Variants in AGMO observed in about 807,000 individuals in gnomAD.
The protein encoded by AGMO is alkylglycerol monooxygenase.
A neutral mutation model predicts 60.2 loss-of-function variants in AGMO; 75 were observed. That is an observed-to-expected ratio of 1.25 (90% CI 1.03 to 1.51). AGMO has a LOEUF of 1.51. AGMO is among the 40% of genes most tolerant of loss of function. The pLI is 0.00. For synonymous variants in AGMO, 261 were observed against 177.1 expected (o/e 1.47, Z -3.76); for missense variants, 763 against 525.5 (o/e 1.45, Z -4.42).
chr7:15,383,504 A>C (rs1181938149), intron 10 of AGMO, among the ~76,000 whole-genome samples: 1 of 152,134 alleles, frequency 6.6e-6, no homozygotes. Context: ...CTTTCCTTAT[A>C]ATTAACTATA....
At chr7:15,296,055 A>T (rs1784396537) in intron 12 of AGMO, among the ~76,000 whole-genome samples, 1 of 152,192 alleles carries the variant, frequency 6.6e-6, no homozygotes, top group Non-Finnish European at 1.5e-5. Context: ...TTACAAGCAA[A>T]ACAAAAATAT....
At chr7:15,485,061 G>C (rs1463276794) in intron 3 of AGMO, among the ~76,000 whole-genome samples, 1 of 150,624 alleles carries the variant, frequency 6.6e-6, no homozygotes, top group Non-Finnish European at 1.5e-5. Context: ...ACTTTGGGAG[G>C]CCGAAGCGGG....
chr7:15,154,870 A>T, the AGMO span, among the ~76,000 whole-genome samples: 1 of 152,182 alleles, frequency 6.6e-6, no homozygotes, highest in Non-Finnish European at 1.5e-5. Flanking sequence ...TAGGTTGGCC[A>T]GATATGAAAT....
intron 3 of AGMO, among the ~76,000 whole-genome samples, chr7:15,481,306 A>C (rs1181230501): frequency 6.6e-6 from 1 of 152,186 alleles, no homozygotes; most frequent in Admixed American, 6.6e-5. Context: ...TCAGTAGGAA[A>C]GGACTCTGAG....
the AGMO span, among the ~76,000 whole-genome samples, chr7:15,134,573 A>G: frequency 2.0e-5 from 3 of 152,064 alleles, no homozygotes; most frequent in African/African-American, 7.2e-5. Context: ...CTCTTCCTTA[A>G]TTAGTTGGCT....
intron 3 of AGMO, among the ~76,000 whole-genome samples, chr7:15,497,876 A>T (rs1783275619): frequency 6.6e-6 from 1 of 152,022 alleles, no homozygotes; most frequent in African/African-American, 2.4e-5. Flanking sequence ...TTACTGGGTT[A>T]TTTTGAAAAC....
the AGMO span, among the ~76,000 whole-genome samples, chr7:15,189,810 T>C: frequency 3.8e-4 from 57 of 151,424 alleles, no homozygotes; most frequent in Admixed American, 3.0e-3. Context: ...GCTGATAGTT[T>C]ACAGTTTTCA....
Position 15,561,661 on chromosome 7 carries a change from C to T in AGMO, c.126+59G>A, listed in dbSNP as rs951250534. ...TGAACAAAACCCTAAGGAGATTGAC[C>T]TTACCATTTATTAAGAAAGCAGCAA... On this transcript the variant is annotated intron_variant, in intron 1 of 12. Coordinates refer to ENST00000342526, the MANE Select transcript of AGMO (RefSeq NM_001004320.2). 1.6e-5 allele frequency: 24 copies of T among 1,478,572 alleles called. No individual in the cohort carries two copies. In the African/African-American group the frequency reaches 2.6e-4, roughly 16 times the overall value. 91.6% of individuals were successfully genotyped at this position (1,478,572 alleles called of 1,614,324 possible). A position where few individuals can be genotyped will look rare whatever the true frequency, so the allele number is the denominator to read the frequency against.
intron 3 of AGMO, among the ~76,000 whole-genome samples, chr7:15,438,912 A>G (rs948558398): frequency 5.3e-5 from 8 of 152,250 alleles, no homozygotes; most frequent in Non-Finnish European, 1.0e-4. Flanking sequence ...AATAACCACA[A>G]ATATAGAGTG....
intron 5 of AGMO, among the ~76,000 whole-genome samples, chr7:15,408,163 T>C (rs1486023189): frequency 3.3e-5 from 5 of 151,992 alleles, no homozygotes; most frequent in Non-Finnish European, 7.4e-5. Context: ...CAGGGCAGTT[T>C]AGCTGTACTG....
chr7:15,126,373 A>G, the AGMO span, among the ~76,000 whole-genome samples: 1 of 152,112 alleles, frequency 6.6e-6, no homozygotes, highest in Non-Finnish European at 1.5e-5. Flanking sequence ...ATCATAGAGC[A>G]TGATTATTGG....
At chr7:15,377,778 T>TA (rs1426309598) in intron 10 of AGMO, among the ~76,000 whole-genome samples, 1 of 152,042 alleles carries the variant, frequency 6.6e-6, no homozygotes, top group African/African-American at 2.4e-5. Flanking sequence ...GGGGAGAACA[T>TA]ATTAAGTTAA....
chr7:15,176,804 A>C, the AGMO span, among the ~76,000 whole-genome samples: 78,564 of 151,650 alleles, frequency 0.52, 21,831 homozygotes, highest in East Asian at 0.79. Flanking sequence ...AATATTTGTA[A>C]CATTTGAGAG....
chr7:15,143,881 G>C, the AGMO span, among the ~76,000 whole-genome samples: 2 of 151,980 alleles, frequency 1.3e-5, no homozygotes, highest in Non-Finnish European at 2.9e-5. Context: ...TGCTCAAATA[G>C]GATAGATTGC....
intron 12 of AGMO, among the ~76,000 whole-genome samples, chr7:15,336,801 A>T (rs1399725115): frequency 6.6e-6 from 1 of 152,216 alleles, no homozygotes; most frequent in Non-Finnish European, 1.5e-5. Flanking sequence ...GCATTTATTA[A>T]GTAATTACTT....
intron 12 of AGMO, among the ~76,000 whole-genome samples, chr7:15,210,141 T>G (rs536662522): frequency 6.6e-6 from 1 of 152,268 alleles, no homozygotes; most frequent in Non-Finnish European, 1.5e-5. Flanking sequence ...AATCTCCACA[T>G]TTCAGGGACA....
chr7:15,453,435 C>T (rs889437049), intron 3 of AGMO, among the ~76,000 whole-genome samples: 1 of 152,134 alleles, frequency 6.6e-6, no homozygotes, highest in Admixed American at 6.5e-5. Flanking sequence ...GTGGAGAAAG[C>T]AGACACAGTG....
chr7:15,364,783 G>A lies in AGMO; in HGVS notation c.1263+731C>T, dbSNP rs74496260. ...TGGGTTTTTCACTGATGCTAAGAGC[G>A]GGGGATATTAGTATTTATGTTTAAT... On this transcript the variant is annotated intron_variant, in intron 12 of 12. Coordinates refer to ENST00000342526, the MANE Select transcript of AGMO (RefSeq NM_001004320.2). 3.9e-3 allele frequency among the ~76,000 whole-genome samples: 586 copies of A among 152,034 alleles called. 21 individuals are homozygous for A. The East Asian group carries it at 0.088, about 23-fold the overall frequency.
intron 3 of AGMO, among the ~76,000 whole-genome samples, chr7:15,489,860 A>G (rs1783024678): frequency 6.6e-6 from 1 of 152,220 alleles, no homozygotes; most frequent in Non-Finnish European, 1.5e-5. Context: ...AATAATTTAT[A>G]ATAACAAAGG....
Sources: allele counts gnomAD v4.1 joint callset (sites outside exome capture counted in the v4.1 genomes callset), GRCh38; gene constraint gnomAD v4.1.1; transcripts MANE v1.5; gene names NCBI Gene and HGNC (gene_info 2026-07-23, HGNC 2026-07-21).